The following UBR3 variants were observed in gnomAD, a reference collection of about 807,000 sequenced individuals.
The protein encoded by UBR3 is E3 ubiquitin-protein ligase UBR3.
In UBR3, 85 loss-of-function variants were observed where a neutral mutation model predicts 243.2. The ratio of observed to expected loss-of-function variants is 0.35; its 90% confidence interval spans 0.29 to 0.42. The LOEUF is 0.42. Ranked by LOEUF, UBR3 falls within the 10% of genes least tolerant of loss-of-function variation. The pLI, the probability that UBR3 is intolerant of heterozygous loss-of-function variation, is 1.00. For synonymous variants in UBR3, 748 were observed against 799.8 expected (o/e 0.94, Z 1.09); for missense variants, 1,686 against 2,300.8 (o/e 0.73, Z 5.47).
At chr2:169,919,228 G>A (rs939538138) in intron 11 of UBR3, among the ~76,000 whole-genome samples, 2 of 152,164 alleles carry the variant, frequency 1.3e-5, no homozygotes, top group African/African-American at 4.8e-5. Flanking sequence ...GTTATCAGGA[G>A]GCTAAAACCA....
At chr2:170,055,423 A>G (rs768959466) in intron 32 of UBR3, 37 bp from the exon 33 acceptor site, 15 of 1,602,322 alleles carry the variant, frequency 9.4e-6, no homozygotes, top group Non-Finnish European at 8.5e-6. Flanking sequence ...CAAAATATCT[A>G]GATTCCAAAG....
At chr2:169,833,941 C>A (rs888583875) in intron 1 of UBR3, among the ~76,000 whole-genome samples, 2 of 152,116 alleles carry the variant, frequency 1.3e-5, no homozygotes, top group Admixed American at 1.3e-4. Flanking sequence ...CACCACCACA[C>A]ACAGCTAAAT....
At chr2:169,997,521 G>A (rs565943194) in intron 26 of UBR3, among the ~76,000 whole-genome samples, 20 of 152,062 alleles carry the variant, frequency 1.3e-4, no homozygotes, top group Admixed American at 5.2e-4. Context: ...CTTCACTCCC[G>A]TAGTCTAGTG....
At chr2:170,049,232 A>G (rs1297111431) in intron 32 of UBR3, among the ~76,000 whole-genome samples, 1 of 152,258 alleles carries the variant, frequency 6.6e-6, no homozygotes, top group East Asian at 1.9e-4. Context: ...CTTTATTCTC[A>G]CAATGTAAGG....
intron 23 of UBR3, among the ~76,000 whole-genome samples, chr2:169,951,603 G>A (rs938871390): frequency 6.6e-6 from 1 of 152,112 alleles, no homozygotes; most frequent in Non-Finnish European, 1.5e-5. Context: ...ACCATGTATC[G>A]TTAACTCGCA....
At position 169,952,579 on chromosome 2, in the gene UBR3, C is replaced by G. The variant is rs2087085434; in HGVS notation, c.3545+2514C>G. On this transcript the variant is annotated intron_variant, in intron 23 of 38. Coordinates refer to ENST00000272793, the MANE Select transcript of UBR3 (RefSeq NM_172070.4). ...GCGTGGTGGCGTGTGCCTGTAGTCCCAGCTACTAGGGAGGCTGAGGCAGGA... is the reference window on the plus strand; with the variant it reads ...GCGTGGTGGCGTGTGCCTGTAGTCCGAGCTACTAGGGAGGCTGAGGCAGGA... Among the ~76,000 whole-genome samples the G allele has an allele frequency of 2.0e-5, 3 of 152,048 alleles. No homozygotes were observed. In the East Asian group the frequency reaches 5.8e-4, roughly 29 times the overall value.
intron 6 of UBR3, among the ~76,000 whole-genome samples, chr2:169,892,971 A>G (rs1355075405): frequency 2.0e-5 from 3 of 152,232 alleles, no homozygotes; most frequent in African/African-American, 7.2e-5. Context: ...ACAGTACATA[A>G]TGATTCTTTA....
intron 21 of UBR3, 131 bp downstream of exon 21, chr2:169,946,523 C>T (rs553538759): frequency 1.2e-5 from 5 of 409,986 alleles, no homozygotes; most frequent in East Asian, 1.2e-4. Context: ...TTTGTGAATT[C>T]ATCTTGAGGT....
intron 11 of UBR3, among the ~76,000 whole-genome samples, chr2:169,919,491 A>G (rs2085604071): frequency 6.6e-6 from 1 of 152,258 alleles, no homozygotes; most frequent in South Asian, 2.1e-4. Context: ...GAGCTTCTGG[A>G]CAGCAGAAGA....
intron 32 of UBR3, among the ~76,000 whole-genome samples, chr2:170,049,306 G>A (rs2091163126): frequency 6.6e-6 from 1 of 152,196 alleles, no homozygotes; most frequent in Non-Finnish European, 1.5e-5. Flanking sequence ...TATTCATTAA[G>A]TGGAAGTGGA....
intron 10 of UBR3, among the ~76,000 whole-genome samples, chr2:169,908,769 C>T (rs929261069): frequency 3.4e-5 from 5 of 149,180 alleles, no homozygotes; most frequent in South Asian, 4.3e-4. Context: ...TAGTGTTTGT[C>T]GTGGGGGAGA....
intron 11 of UBR3, among the ~76,000 whole-genome samples, chr2:169,919,974 G>C (rs933651978): frequency 2.0e-5 from 3 of 152,154 alleles, no homozygotes; most frequent in Admixed American, 1.3e-4. Flanking sequence ...ATACCCAAAG[G>C]GTTATAAATC....
In UBR3 at chr2:169,839,788, C is replaced by G. The variant is rs144854543; in HGVS notation, c.545+11736C>G. Among the ~76,000 whole-genome samples the G allele has an allele frequency of 3.3e-5, 5 of 152,260 alleles. No homozygotes were observed. In the East Asian group the frequency reaches 9.6e-4, roughly 29 times the overall value. On this transcript the variant is annotated intron_variant, in intron 1 of 38. Coordinates refer to ENST00000272793, the MANE Select transcript of UBR3 (RefSeq NM_172070.4). ...CAAGTAAGTGTAAAACTCAGTAAGGCAAACAACATTAAATCTTAAGGCTTG... is the reference window on the plus strand; with the variant it reads ...CAAGTAAGTGTAAAACTCAGTAAGGGAAACAACATTAAATCTTAAGGCTTG...
At chr2:169,874,321 AC>A (rs1321140196) in intron 2 of UBR3, among the ~76,000 whole-genome samples, 1 of 151,702 alleles carries the variant, frequency 6.6e-6, no homozygotes, top group Non-Finnish European at 1.5e-5. Flanking sequence ...GGCGCCCACC[AC>A]CACGCCCGGC....
At chr2:169,914,559 A>G (rs1308266341) in intron 11 of UBR3, among the ~76,000 whole-genome samples, 3 of 152,218 alleles carry the variant, frequency 2.0e-5, no homozygotes, top group African/African-American at 7.2e-5. Context: ...TTGTCAGAGT[A>G]GGAAAAGATG....
intron 30 of UBR3, among the ~76,000 whole-genome samples, chr2:170,016,462 T>C (rs567345690): frequency 1.1e-4 from 17 of 152,028 alleles, no homozygotes; most frequent in African/African-American, 3.1e-4. Context: ...TATTCAGTGC[T>C]TTACTAGTAT....
intron 11 of UBR3, among the ~76,000 whole-genome samples, chr2:169,914,848 T>TTGTGTGTG (rs138233075): frequency 4.2e-4 from 39 of 93,738 alleles, no homozygotes; most frequent in African/African-American, 1.2e-3. Context: ...ATTTTATCTC[T>TTGTGTGTG]TGTGTGTGTG....
chr2:169,994,524 CAT>C, intron 26 of UBR3, 68 bp downstream of exon 26: 1 of 1,504,518 alleles, frequency 6.6e-7, no homozygotes, highest in Non-Finnish European at 9.0e-7. Flanking sequence ...CAGAATTTTA[CAT>C]GTCTTTTACC....
At chr2:169,850,830 A>G (rs1031783271) in intron 1 of UBR3, among the ~76,000 whole-genome samples, 1 of 151,492 alleles carries the variant, frequency 6.6e-6, no homozygotes, top group African/African-American at 2.4e-5. Flanking sequence ...GGCGACAGAG[A>G]GAGACTCAGT....
Sources: allele counts gnomAD v4.1 joint callset (sites outside exome capture counted in the v4.1 genomes callset), GRCh38; gene constraint gnomAD v4.1.1; transcripts MANE v1.5; gene names NCBI Gene and HGNC (gene_info 2026-07-23, HGNC 2026-07-21).